Variants in BICRA observed in about 807,000 individuals in gnomAD.
BICRA encodes BRD4-interacting chromatin-remodeling complex-associated protein.
A neutral mutation model predicts 96.9 loss-of-function variants in BICRA; 31 were observed. That is an observed-to-expected ratio of 0.32 (90% CI 0.24 to 0.43). The LOEUF is 0.43. Ranked by LOEUF, BICRA falls within the 20% of genes least tolerant of loss-of-function variation. The pLI is 1.00. For missense variants in BICRA, 2,283 were observed against 2,190.3 expected (o/e 1.04, Z -0.84); for synonymous variants, 1,350 against 1,071.8 (o/e 1.26, Z -5.07).
intron 1 of BICRA, among the ~76,000 whole-genome samples, chr19:47,617,586 A>T (rs1293526335): frequency 1.3e-5 from 2 of 151,662 alleles, no homozygotes; most frequent in African/African-American, 4.8e-5. Flanking sequence ...CTGGTCTCGA[A>T]CTCCTGAACT....
At chr19:47,667,092 C>T (rs1599835368) in intron 1 of BICRA, among the ~76,000 whole-genome samples, 1 of 150,860 alleles carries the variant, frequency 6.6e-6, no homozygotes. Context: ...GATCTCGGCT[C>T]ACTGCAACCT....
chr19:47,625,113 C>A (rs1972121617), intron 1 of BICRA, among the ~76,000 whole-genome samples: 1 of 150,312 alleles, frequency 6.7e-6, no homozygotes, highest in Non-Finnish European at 1.5e-5. Context: ...AGTTCTCCTG[C>A]CTCAGCCTCC....
In BICRA at chr19:47,694,446, C is replaced by T. The variant is rs966022345; in HGVS notation, c.2615C>T (p.Pro872Leu). 1.6e-5 allele frequency: 18 copies of T among 1,105,218 alleles called. No individual in the cohort carries two copies. The highest frequency in any genetic ancestry group is 7.4e-5 in the East Asian group (3 of 40,358). 68.5% of individuals were successfully genotyped at this position (1,105,218 alleles called of 1,614,324 possible). A position where few individuals can be genotyped will look rare whatever the true frequency, so the allele number is the denominator to read the frequency against. The change falls in exon 8 of 15, where the codon CCG becomes CTG. Residue 872 changes from proline (P) to leucine (L), a missense_variant. Pro to Leu is a moderately conservative substitution (Grantham distance 98, BLOSUM62 -3). Coordinates refer to ENST00000594866, the MANE Select transcript of BICRA (RefSeq NM_001394372.1). ...LRPQSQPPEG[P>L]LPPAPHLPPS... is the part of the protein sequence containing the mutation. ...CCCCAGTCCCAGCCGCCTGAGGGAC[C>T]GCTGCCCCCAGCCCCCCACCTCCCT...
chr19:47,695,342 T>TCGGGGGGGG, intron 9 of BICRA, 23 bp from the exon 10 acceptor site: 11 of 630,194 alleles, frequency 1.7e-5, no homozygotes, highest in Non-Finnish European at 3.1e-5. Flanking sequence ...AGGCCCTGTC[T>TCGGGGGGGG]CCCCCACCCC....
Position 47,680,857 on chromosome 19 carries a change from G to A in BICRA, c.1687G>A (p.Ala563Thr). 6.4e-7 allele frequency: 1 copy of A among 1,565,320 alleles called. No individual in the cohort carries two copies. Among genetic ancestry groups the A allele is most frequent in the Non-Finnish European group, 8.6e-7 (1 of 1,164,612 alleles). The change falls in exon 6 of 15, where the codon GCG becomes ACG. Residue 563 changes from alanine to threonine, a missense_variant. Physicochemically the swap from Ala to Thr is moderately conservative, Grantham distance 58. Coordinates refer to ENST00000594866, the MANE Select transcript of BICRA (RefSeq NM_001394372.1). ...ALFQMPVSLA[A>T]GSLPTQSQPA... ...CTTCCAGATGCCCGTGTCGCTGGCG[G>A]CGGGCAGCCTGCCCACGCAGAGCCA...
chr19:47,637,273 C>T (rs1239586279), intron 1 of BICRA, among the ~76,000 whole-genome samples: 1 of 151,936 alleles, frequency 6.6e-6, no homozygotes, highest in Non-Finnish European at 1.5e-5. Context: ...GCGCCCGCCA[C>T]CACACCCGGC....
At chr19:47,616,674 A>G (rs78813413) in intron 1 of BICRA, among the ~76,000 whole-genome samples, 2,516 of 151,052 alleles carry the variant, frequency 0.017, 37 homozygotes, top group Non-Finnish European at 0.028. Flanking sequence ...CCAAATACCC[A>G]CTGGGCCACA....
At chr19:47,648,934 C>T (rs1972503819) in intron 1 of BICRA, among the ~76,000 whole-genome samples, 1 of 151,674 alleles carries the variant, frequency 6.6e-6, no homozygotes, top group South Asian at 2.1e-4. Context: ...TCACTGCAAG[C>T]TCCGCCTCCT....
intron 1 of BICRA, among the ~76,000 whole-genome samples, chr19:47,614,857 C>T (rs1971960529): frequency 6.6e-6 from 1 of 152,168 alleles, no homozygotes; most frequent in African/African-American, 2.4e-5. Context: ...AGGCATACGT[C>T]CGCACATGTT....
At position 47,698,355 on chromosome 19, in the gene BICRA, C is replaced by T. The variant is rs552265877; in HGVS notation, c.3249-279C>T. Reference sequence around the variant, plus strand: ...GGCCTCACTTCCCGCTCTGCTCTTCCTCCCTTACGTGCTTTGGAGAGGAGT... The same window carrying T: ...GGCCTCACTTCCCGCTCTGCTCTTCTTCCCTTACGTGCTTTGGAGAGGAGT... On this transcript the variant is annotated intron_variant, in intron 11 of 14. Coordinates refer to ENST00000594866, the MANE Select transcript of BICRA (RefSeq NM_001394372.1). This position sits in a 1 kb window ranked among gnomAD's most constrained non-coding sequence, Gnocchi z 4.8. Among the ~76,000 whole-genome samples, 6 of 152,308 alleles carry T rather than the reference C, an allele frequency of 3.9e-5. No individual in the cohort carries two copies. In the East Asian group the frequency reaches 7.7e-4, roughly 20 times the overall value.
chr19:47,701,467 G>A lies in BICRA; in HGVS notation c.3735G>A (p.Lys1245=). Residue 1245 remains lysine, a synonymous_variant, in exon 15 of 15, where the codon AAG becomes AAA. Transcript: ENST00000594866. This position sits in a 1 kb window ranked among gnomAD's most constrained non-coding sequence, Gnocchi z 5.4. ...STQPPPHLPT[K]LVIRHGGAGG... The stretch of plus-strand genomic sequence containing the variant: ...AGCCCCCTCCACACCTGCCCACCAA[G>A]CTTGTGATCCGGCACGGCGGGGCAG... The A allele has an allele frequency of 6.4e-7, 1 of 1,563,444 alleles. No homozygotes were observed. Among genetic ancestry groups the A allele is most frequent in the Non-Finnish European group, 8.7e-7 (1 of 1,155,060 alleles).
intron 1 of BICRA, among the ~76,000 whole-genome samples, chr19:47,665,662 T>C (rs967272122): frequency 6.6e-5 from 10 of 152,142 alleles, no homozygotes; most frequent in African/African-American, 9.7e-5. Flanking sequence ...TTAATCTTCA[T>C]GTGTGTCTTG....
rs200450508 is a variant in BICRA, at chr19:47,655,051, T to A, written c.-107-15392T>A. Among the ~76,000 whole-genome samples the A allele has an allele frequency of 5.9e-5, 9 of 152,268 alleles. No homozygotes were observed. The East Asian group carries it at 1.7e-3, about 29-fold the overall frequency. On this transcript the variant is annotated intron_variant, in intron 1 of 14. Coordinates refer to ENST00000594866, the MANE Select transcript of BICRA (RefSeq NM_001394372.1). ...ATAACGCACAATGCTTTTCCCATCA[T>A]TTATGGACACTCACAGAATAGCAAA...
In BICRA at chr19:47,702,340, G is replaced by A. The variant is rs754585502; in HGVS notation, c.4608G>A (p.Pro1536=). The change falls in exon 15 of 15, where the codon CCG becomes CCA. Residue 1536 remains proline, a synonymous_variant. Transcript: ENST00000594866. ...CGGCCGGCACCCCCGCATCCCCGCC[G>A]CCCCTGCACAGGCCCGAGGCCTACC... ...AASAGTPASP[P]PLHRPEAYPP... The A allele has an allele frequency of 9.4e-5, 145 of 1,538,574 alleles. No homozygotes were observed. Among genetic ancestry groups the A allele is most frequent in the East Asian group, 1.7e-4 (7 of 40,640 alleles).
chr19:47,660,413 C>T (rs1696521673), intron 1 of BICRA, among the ~76,000 whole-genome samples: 2 of 152,138 alleles, frequency 1.3e-5, no homozygotes. Flanking sequence ...CTACAAAGAC[C>T]CTTTTTTCCA....
At chr19:47,658,040 T>C (rs11878506) in intron 1 of BICRA, among the ~76,000 whole-genome samples, 21,928 of 152,034 alleles carry the variant, frequency 0.14, 1,648 homozygotes, top group South Asian at 0.2. Flanking sequence ...ATTATATTCA[T>C]AGCAGTCTTT....
chr19:47,673,637 C>T, intron 3 of BICRA, 22 bp downstream of exon 3: 2 of 1,584,694 alleles, frequency 1.3e-6, no homozygotes, highest in Admixed American at 3.3e-5. Flanking sequence ...GCTCCCCACC[C>T]CCTGCCCTCT....
At chr19:47,632,532 G>A (rs922222805) in intron 1 of BICRA, among the ~76,000 whole-genome samples, 3 of 152,248 alleles carry the variant, frequency 2.0e-5, no homozygotes, top group African/African-American at 7.2e-5. Flanking sequence ...GGCTGCATCC[G>A]ATGGTCCCAC....
intron 7 of BICRA, among the ~76,000 whole-genome samples, chr19:47,692,644 C>T (rs1435711623): frequency 1.3e-5 from 2 of 152,214 alleles, no homozygotes; most frequent in South Asian, 2.1e-4. Flanking sequence ...CCGTACACAG[C>T]GCCAAGGACT....
Sources: gnomAD v4.1 joint callset for allele counts (sites outside exome capture counted in the v4.1 genomes callset) on GRCh38, gnomAD v4.1.1 for gene constraint, Gnocchi (gnomAD v3.1) non-coding constraint, MANE v1.5 for transcripts, NCBI Gene and HGNC (gene_info 2026-07-23, HGNC 2026-07-21) for gene names.